The following ACSM2B variants were observed in gnomAD, a reference collection of about 807,000 sequenced individuals.
The protein encoded by ACSM2B is acyl-coenzyme A synthetase ACSM2B, mitochondrial.
Under a neutral mutation model 78.6 loss-of-function variants are expected in ACSM2B, and 58 were observed. The observed-to-expected ratio is 0.74, with a 90% CI of 0.60 to 0.92. ACSM2B has a LOEUF of 0.92. Among genes scored for constraint, ACSM2B ranks in the 40% least tolerant of loss-of-function variants. The pLI is 0.00. For missense variants in ACSM2B, 688 were observed against 711.2 expected (o/e 0.97, Z 0.37); for synonymous variants, 257 against 256.8 (o/e 1.00, Z -0.01).
At position 20,540,653 on chromosome 16, in the gene ACSM2B, C is replaced by T. The variant is rs573312260; in HGVS notation, c.1629+1G>A. ...GTGACTTGGGAGCTCAAAGGCCTTACCTTTCTTGGGTACTTGTATGGGGCT... is the reference window on the plus strand; with the variant it reads ...GTGACTTGGGAGCTCAAAGGCCTTATCTTTCTTGGGTACTTGTATGGGGCT... On this transcript the variant is annotated splice_donor_variant, in intron 13 of 13. Coordinates refer to ENST00000329697, the MANE Select transcript of ACSM2B (RefSeq NM_001105069.2). LOFTEE classifies it high-confidence loss of function. 13 of 1,613,802 alleles carry T rather than the reference C, an allele frequency of 8.1e-6. No individual in the cohort carries two copies. The East Asian group carries it at 2.5e-4, about 30-fold the overall frequency.
chr16:20,552,003 C>G (rs948011460), intron 6 of ACSM2B, 141 bp downstream of exon 6: 2 of 1,405,110 alleles, frequency 1.4e-6, no homozygotes, highest in Non-Finnish European at 1.9e-6. Flanking sequence ...GGGACCATTT[C>G]CATCTCGTTT....
At chr16:20,560,800 A>G (rs1289781225) in intron 2 of ACSM2B, among the ~76,000 whole-genome samples, 3 of 152,114 alleles carry the variant, frequency 2.0e-5, no homozygotes, top group African/African-American at 7.2e-5. Flanking sequence ...GCACTGGTTA[A>G]ATAGTTGTGA....
intron 1 of ACSM2B, among the ~76,000 whole-genome samples, chr16:20,568,277 A>G (rs1033605134): frequency 2.8e-5 from 4 of 144,838 alleles, no homozygotes; most frequent in African/African-American, 9.9e-5. Flanking sequence ...CATATAGTAT[A>G]TATAGATATA....
At chr16:20,562,447 G>T (rs531671594) in intron 2 of ACSM2B, among the ~76,000 whole-genome samples, 7 of 152,240 alleles carry the variant, frequency 4.6e-5, no homozygotes, top group South Asian at 4.1e-4. Flanking sequence ...ACACATGAGA[G>T]TGTCTGTTTC....
intron 2 of ACSM2B, 104 bp from the exon 3 acceptor site, chr16:20,559,551 T>A: frequency 7.0e-7 from 1 of 1,430,344 alleles, no homozygotes; most frequent in Non-Finnish European, 9.3e-7. Context: ...TAAGGTTTTT[T>A]ATCTCAGCAC....
intron 1 of ACSM2B, among the ~76,000 whole-genome samples, chr16:20,571,425 C>G (rs917884071): frequency 6.6e-6 from 1 of 151,918 alleles, no homozygotes; most frequent in African/African-American, 2.4e-5. Flanking sequence ...CCAAGGTGGT[C>G]TGAGAGAGTA....
intron 1 of ACSM2B, among the ~76,000 whole-genome samples, chr16:20,570,425 T>G (rs1291899959): frequency 3.3e-5 from 5 of 151,994 alleles, no homozygotes; most frequent in African/African-American, 9.7e-5. Flanking sequence ...TTCATCATGG[T>G]GGATTATCTT....
Position 20,555,427 on chromosome 16 carries a change from C to A in ACSM2B, c.438G>T (p.Leu146=), listed in dbSNP as rs754877764. The change falls in exon 4 of 14, where the codon CTG becomes CTT. Residue 146 remains leucine (L), a synonymous_variant. Transcript: ENST00000329697. ...TGGCCTTAGACATCTGCAACCTATA[C>A]AGTATGTCAGTGGATTTCATCTGGA... ...GTIQMKSTDI[L]YRLQMSKAKA... The A allele has an allele frequency of 1.9e-5, 31 of 1,613,648 alleles. No homozygotes were observed. In the South Asian group the frequency reaches 3.0e-4, roughly 15 times the overall value.
In ACSM2B at chr16:20,566,647, ATACTATATATATGTATATATAG is replaced by A. The variant is rs1567218136; in HGVS notation, c.-8-1816_-8-1795del. 1.4e-3 allele frequency among the ~76,000 whole-genome samples: 73 copies of A among 52,214 alleles called. 4 individuals carry two copies. In the East Asian group the frequency reaches 0.015, roughly 11 times the overall value. The allele number at this position is 52,214 out of a possible 152,430, so 34.3% of individuals were successfully genotyped here. A position where few individuals can be genotyped will look rare whatever the true frequency, so the allele number is the denominator to read the frequency against. The stretch of plus-strand genomic sequence containing the variant: ...ATACTATATATAGTATATATATACT[ATACTATATATATGTATATATAG>A]TATATACATATAGTATATACTATAT... On this transcript the variant is annotated intron_variant, in intron 1 of 13. Transcript: ENST00000329697.
chr16:20,575,745 A>G (rs2016231533), intron 1 of ACSM2B: 1 of 148,722 alleles, frequency 6.7e-6, no homozygotes, highest in African/African-American at 2.4e-5. Flanking sequence ...CCTTCAATTC[A>G]ATCAATTGAC....
intron 2 of ACSM2B, among the ~76,000 whole-genome samples, chr16:20,559,908 C>T (rs2152141884): frequency 6.6e-6 from 1 of 151,048 alleles, no homozygotes; most frequent in South Asian, 2.1e-4. Context: ...CTGGAAAATG[C>T]TATTGTATAC....
chr16:20,561,038 T>G (rs1680618456), intron 2 of ACSM2B, among the ~76,000 whole-genome samples: 1 of 152,094 alleles, frequency 6.6e-6, no homozygotes, highest in Non-Finnish European at 1.5e-5. Context: ...ATTCAAGATT[T>G]GACCTGAATG....
At chr16:20,540,448 G>T (rs867999524) in intron 13 of ACSM2B, among the ~76,000 whole-genome samples, 5 of 151,988 alleles carry the variant, frequency 3.3e-5, no homozygotes, top group Non-Finnish European at 5.9e-5. Flanking sequence ...TCACCATTTT[G>T]GCCAGGCTGG....
At chr16:20,545,543 G>A (rs543414308) in intron 9 of ACSM2B, among the ~76,000 whole-genome samples, 1 of 152,152 alleles carries the variant, frequency 6.6e-6, no homozygotes, top group South Asian at 2.1e-4. Context: ...TCTTACCTTT[G>A]AGACCTACCT....
intron 13 of ACSM2B, among the ~76,000 whole-genome samples, chr16:20,537,913 C>G (rs1159472046): frequency 6.6e-6 from 1 of 152,166 alleles, no homozygotes; most frequent in Non-Finnish European, 1.5e-5. Context: ...AATTCCACAT[C>G]AATCATTTCC....
intron 7 of ACSM2B, 37 bp downstream of exon 7, chr16:20,548,357 G>A: frequency 6.2e-7 from 1 of 1,611,948 alleles, no homozygotes; most frequent in South Asian, 1.1e-5. Flanking sequence ...AGGGGGATGG[G>A]GCCAGACTCT....
chr16:20,575,923 C>T (rs1431216004), intron 1 of ACSM2B: 1 of 151,818 alleles, frequency 6.6e-6, no homozygotes, highest in African/African-American at 2.4e-5. Context: ...TCTGGTCTCA[C>T]CTCCTCTGGG....
chr16:20,543,364 G>T, intron 10 of ACSM2B, 102 bp from the exon 11 acceptor site: 2 of 1,583,010 alleles, frequency 1.3e-6, no homozygotes, highest in Non-Finnish European at 1.7e-6. Flanking sequence ...AAAACTGCAG[G>T]TGTGCAGTGT....
intron 12 of ACSM2B, 139 bp downstream of exon 12, chr16:20,542,775 A>T (rs1249565807): frequency 3.4e-6 from 4 of 1,163,720 alleles, no homozygotes; most frequent in Non-Finnish European, 4.8e-6. Flanking sequence ...AGCTTACCCA[A>T]GGTCACATAG....
Sources: allele counts gnomAD v4.1 joint callset (sites outside exome capture counted in the v4.1 genomes callset), GRCh38; gene constraint gnomAD v4.1.1; transcripts MANE v1.5; gene names NCBI Gene and HGNC (gene_info 2026-07-23, HGNC 2026-07-21).